TEX15: variants seen among roughly 807,000 people sequenced by gnomAD.
TEX15 encodes testis-expressed protein 15.
TEX15 carries 171 observed loss-of-function variants against 237.3 expected under a neutral mutation model. That is an observed-to-expected ratio of 0.72 (90% CI 0.64 to 0.82). The LOEUF is 0.82. Among genes scored for constraint, TEX15 ranks in the 40% least tolerant of loss-of-function variants. TEX15 has a pLI of 0.00. For missense variants in TEX15, 3,750 were observed against 3,646.5 expected (o/e 1.03, Z -0.73); for synonymous variants, 1,338 against 1,269.8 (o/e 1.05, Z -1.14).
intron 4 of TEX15, among the ~76,000 whole-genome samples, chr8:30,868,865 CTT>C (rs78255315): frequency 5.6e-4 from 75 of 134,562 alleles, no homozygotes; most frequent in Non-Finnish European, 5.4e-4. Flanking sequence ...GGGCTAAATT[CTT>C]TTTTTTTTTT....
At chr8:30,912,031 G>A (rs1220746535) in intron 1 of TEX15, among the ~76,000 whole-genome samples, 3 of 152,192 alleles carry the variant, frequency 2.0e-5, no homozygotes, top group African/African-American at 2.4e-5. Context: ...CAGCCACAGC[G>A]CCGGGACACG....
chr8:30,903,265 A>C lies in TEX15; in HGVS notation c.-85-4448T>G, dbSNP rs917789667. Among the ~76,000 whole-genome samples the C allele has an allele frequency of 6.6e-5, 10 of 152,352 alleles. No homozygotes were observed. The South Asian group carries it at 8.3e-4, about 13-fold the overall frequency. On this transcript the variant is annotated intron_variant, in intron 1 of 10. Transcript: ENST00000643185. ...TATATAGTCAAATGAGAGCAGACTT[A>C]AAAATAATTTACATGTTTAAAAGAC...
intron 3 of TEX15, among the ~76,000 whole-genome samples, chr8:30,882,199 C>T (rs1808542650): frequency 1.3e-5 from 2 of 152,292 alleles, no homozygotes; most frequent in Middle Eastern, 3.4e-3. Flanking sequence ...TCAAGCAAGC[C>T]CCTTGCCCCC....
At position 30,837,879 on chromosome 8, in the gene TEX15, G is replaced by T; in HGVS notation, c.8405C>A (p.Thr2802Asn). 1 of 1,614,158 alleles carries T rather than the reference G, an allele frequency of 6.2e-7. No individual in the cohort carries two copies. The highest frequency in any genetic ancestry group is 1.1e-5 in the South Asian group (1 of 91,078). Residue 2802 changes from threonine (T) to asparagine (N), a missense_variant, in exon 10 of 11, where the codon ACT becomes AAT. Physicochemically the swap from Thr to Asn is moderately conservative, Grantham distance 65. Coordinates refer to ENST00000643185, the MANE Select transcript of TEX15 (RefSeq NM_001350162.2). ...TCCACTGAAGTGATCAGATGAAACA[G>T]TTAAGTCTATTTTGCTTTCCGACTT... ...ASKSESKIDL[T>N]VSSDHFSGQQ...
At chr8:30,905,075 C>T (rs183759495) in intron 1 of TEX15, among the ~76,000 whole-genome samples, 6 of 152,104 alleles carry the variant, frequency 3.9e-5, no homozygotes. Context: ...TACTAATGTC[C>T]CTATCAAGAA....
At chr8:30,889,433 C>T (rs922604402) in intron 2 of TEX15, among the ~76,000 whole-genome samples, 1 of 152,052 alleles carries the variant, frequency 6.6e-6, no homozygotes, top group African/African-American at 2.4e-5. Flanking sequence ...GCCTGGGAAA[C>T]AGTATGAGAC....
chr8:30,889,125 T>C (rs1808728784), intron 2 of TEX15, among the ~76,000 whole-genome samples: 2 of 152,240 alleles, frequency 1.3e-5, no homozygotes, highest in African/African-American at 4.8e-5. Context: ...GAATATACTT[T>C]ACTTGAACAG....
chr8:30,881,612 TTTTATTTTTTTTTATTA>T (rs1159256921), intron 3 of TEX15, among the ~76,000 whole-genome samples: 1 of 119,402 alleles, frequency 8.4e-6, no homozygotes, highest in Middle Eastern at 3.8e-3. Context: ...CATCTTGACT[TTTTATTTTTTTTTATTA>T]TTTTTTTTTT....
intron 3 of TEX15, among the ~76,000 whole-genome samples, chr8:30,883,273 C>G (rs185420972): frequency 6.6e-6 from 1 of 152,136 alleles, no homozygotes; most frequent in Non-Finnish European, 1.5e-5. Context: ...GTGTAGGCAG[C>G]TCTTTAAATT....
chr8:30,852,150 G>T (rs913142139), intron 7 of TEX15, among the ~76,000 whole-genome samples: 1 of 126,614 alleles, frequency 7.9e-6, no homozygotes, highest in Admixed American at 8.5e-5. Flanking sequence ...TGTCGCCCAG[G>T]CTGGAGTGCA....
intron 3 of TEX15, among the ~76,000 whole-genome samples, chr8:30,882,118 T>C (rs1455260420): frequency 6.6e-6 from 1 of 152,210 alleles, no homozygotes; most frequent in Non-Finnish European, 1.5e-5. Context: ...TTTCAAAATG[T>C]GTTATTTACC....
At chr8:30,857,304 GAT>G (rs2128770048) in intron 7 of TEX15, among the ~76,000 whole-genome samples, 1 of 152,016 alleles carries the variant, frequency 6.6e-6, no homozygotes, top group African/African-American at 2.4e-5. Flanking sequence ...TTTCCAGGTA[GAT>G]AAAACAAAAA....
Position 30,889,698 on chromosome 8 carries a change from T to C in TEX15, c.-9-2387A>G, listed in dbSNP as rs572341195. 6.8e-4 allele frequency among the ~76,000 whole-genome samples: 103 copies of C among 152,126 alleles called. 1 individual carries two copies. Among genetic ancestry groups the C allele is most frequent in the Middle Eastern group, 3.4e-3 (1 of 292 alleles). On this transcript the variant is annotated intron_variant, in intron 2 of 10. Transcript: ENST00000643185. The stretch of plus-strand genomic sequence containing the variant: ...CAGCGATTTTTCAGTTATTACCTTT[T>C]AAGTAGGAATAACGTCTCTTTAACT...
chr8:30,890,118 T>G (rs781605674), intron 2 of TEX15, among the ~76,000 whole-genome samples: 1 of 151,106 alleles, frequency 6.6e-6, no homozygotes, highest in Non-Finnish European at 1.5e-5. Flanking sequence ...TACTTCATAG[T>G]ACATATGGTA....
At chr8:30,841,627 A>G (rs1807454512) in intron 8 of TEX15, among the ~76,000 whole-genome samples, 1 of 152,196 alleles carries the variant, frequency 6.6e-6, no homozygotes, top group Non-Finnish European at 1.5e-5. Flanking sequence ...CCACTTTTTA[A>G]TATTCACTAC....
intron 4 of TEX15, among the ~76,000 whole-genome samples, chr8:30,868,683 T>C (rs1021847189): frequency 7.9e-5 from 12 of 151,988 alleles, no homozygotes; most frequent in African/African-American, 2.9e-4. Flanking sequence ...CAAATTGGCA[T>C]TTCCTGCTCT....
chr8:30,889,303 T>G (rs1325151784), intron 2 of TEX15, among the ~76,000 whole-genome samples: 2 of 152,070 alleles, frequency 1.3e-5, no homozygotes, highest in Non-Finnish European at 2.9e-5. Flanking sequence ...ATACAAACAA[T>G]TAGCCGGGTG....
At chr8:30,870,706 T>C (rs985949955) in intron 4 of TEX15, among the ~76,000 whole-genome samples, 5 of 152,066 alleles carry the variant, frequency 3.3e-5, no homozygotes, top group Non-Finnish European at 5.9e-5. Flanking sequence ...CTAAGAGAAA[T>C]TGGGATTCCA....
At chr8:30,905,353 C>G (rs1809080311) in intron 1 of TEX15, among the ~76,000 whole-genome samples, 1 of 151,550 alleles carries the variant, frequency 6.6e-6, no homozygotes, top group South Asian at 2.1e-4. Flanking sequence ...GCATTCTAGG[C>G]AGAGAATGAA....
Sources: allele counts gnomAD v4.1 joint callset (sites outside exome capture counted in the v4.1 genomes callset), GRCh38; gene constraint gnomAD v4.1.1; transcripts MANE v1.5; gene names NCBI Gene and HGNC (gene_info 2026-07-23, HGNC 2026-07-21).